EIF4B: variants seen among roughly 807,000 people sequenced by gnomAD.
EIF4B encodes the protein eukaryotic translation initiation factor 4B.
A neutral mutation model predicts 79.3 loss-of-function variants in EIF4B; 8 were observed. The ratio of observed to expected loss-of-function variants is 0.10; its 90% CI spans 0.06 to 0.18. The LOEUF (loss-of-function observed/expected upper bound fraction) is 0.18, where lower values mean the gene tolerates loss of function less well. EIF4B is among the 10% of genes least tolerant of loss of function. The probability of loss-of-function intolerance (pLI) is 1.00; values close to 1 mark genes in which losing one functional copy is unlikely to be tolerated. For missense variants in EIF4B, 515 were observed against 792.4 expected, an observed-to-expected ratio of 0.65 and a Z score of 4.20; for synonymous variants, 238 against 274.7, an observed-to-expected ratio of 0.87 and a Z score of 1.32.
intron 8 of EIF4B, among the ~76,000 whole-genome samples, chr12:53,030,751 C>T (rs1036911996): frequency 1.3e-5 from 2 of 152,030 alleles, no homozygotes; most frequent in African/African-American, 4.8e-5. Flanking sequence ...AAGCAAGAAG[C>T]CTAAAAATAA....
At chr12:53,019,435 A>ATTTTTTTTTTTT (rs759250282) in intron 3 of EIF4B, among the ~76,000 whole-genome samples, 3 of 39,466 alleles carry the variant, frequency 7.6e-5, no homozygotes, top group Admixed American at 6.7e-4. Flanking sequence ...ATATATATAT[A>ATTTTTTTTTTTT]TATTTTTTTT....
Position 53,037,579 on chromosome 12 carries a change from GCTCGATCT to G in EIF4B, c.1479_1486del (p.Arg494GlufsTer23). 1.9e-6 allele frequency: 3 copies of G among 1,613,976 alleles called. No individual in the cohort carries two copies. The highest frequency in any genetic ancestry group is 2.5e-6 in the Non-Finnish European group (3 of 1,179,870). Reference sequence around the variant, plus strand: ...GGTGAAGCGAAGTTCTAACCCTCCTGCTCGATCTCAGAGCTCAGACACAGAGCAGCAGT... The same window carrying G: ...GGTGAAGCGAAGTTCTAACCCTCCTGCAGAGCTCAGACACAGAGCAGCAGT... On this transcript the variant is annotated frameshift_variant, in exon 11 of 15. Transcript: ENST00000262056. LOFTEE classifies it high-confidence loss of function.
Position 53,021,895 on chromosome 12 carries a change from G to A in EIF4B, c.532+35G>A, listed in dbSNP as rs1164855522. The A allele has an allele frequency of 1.9e-6, 3 of 1,613,478 alleles. No individual in the cohort carries two copies. The Admixed American group carries it at 5.0e-5, about 27-fold the overall frequency. ...CTGGTAGAGATTTCTGTTTGGTAAT[G>A]GTCCCAGGATGACACCAAGCCATCC... On this transcript the variant is annotated intron_variant, in intron 5 of 14. Transcript: ENST00000262056.
intron 4 of EIF4B, among the ~76,000 whole-genome samples, chr12:53,020,617 CA>C (rs1943233071): frequency 6.6e-6 from 1 of 152,126 alleles, no homozygotes; most frequent in Non-Finnish European, 1.5e-5. Flanking sequence ...CCTTTAACTC[CA>C]AAAACACCTT....
chr12:53,011,500 G>A (rs1312318684), intron 1 of EIF4B, among the ~76,000 whole-genome samples: 1 of 152,136 alleles, frequency 6.6e-6, no homozygotes, highest in African/African-American at 2.4e-5. Flanking sequence ...GTCCAGAGAC[G>A]CTTTTGGTTG....
rs981921658 is a variant in EIF4B at position 53,030,408 on chromosome 12, A to G, written c.979+2220A>G. Among the ~76,000 whole-genome samples, 3 of 43,728 alleles carry G rather than the reference A, an allele frequency of 6.9e-5. No individual in the cohort carries two copies. In the Admixed American group the frequency reaches 1.1e-3, roughly 16 times the overall value. The allele number at this position is 43,728 out of a possible 152,430, so 28.7% of individuals were successfully genotyped here. A position where few individuals can be genotyped will look rare whatever the true frequency, so the allele number is the denominator to read the frequency against. ...AATAGGAAATAGGTTTTAAAAAATTATATTCTTTTTTTTTTTTTTTTTTTT... is the reference window on the plus strand; with the variant it reads ...AATAGGAAATAGGTTTTAAAAAATTGTATTCTTTTTTTTTTTTTTTTTTTT... On this transcript the variant is annotated intron_variant, in intron 8 of 14. Transcript: ENST00000262056.
chr12:53,013,405 A>G (rs574777733), intron 1 of EIF4B, among the ~76,000 whole-genome samples: 6 of 152,352 alleles, frequency 3.9e-5, no homozygotes, highest in African/African-American at 1.4e-4. Flanking sequence ...GAATTAAATG[A>G]TATGAAAAAG....
At chr12:53,017,821 G>A (rs574399821) in intron 2 of EIF4B, among the ~76,000 whole-genome samples, 71 of 152,212 alleles carry the variant, frequency 4.7e-4, no homozygotes, top group Non-Finnish European at 8.2e-4. Flanking sequence ...TTGAACTCCT[G>A]ACCTCATGAC....
chr12:53,040,576 C>T lies in EIF4B; in HGVS notation c.*353C>T, dbSNP rs1943616929. 5.9e-6 allele frequency: 1 copy of T among 168,718 alleles called. No homozygotes were observed. The highest frequency in any genetic ancestry group is 1.3e-5 in the Non-Finnish European group (1 of 78,818). 10.5% of individuals were successfully genotyped at this position (168,718 alleles called of 1,614,324 possible). ...ATATAATGCCTGGAACCTGGTTGGG[C>T]AGTAGGGGAGGGAGGTAGAAGGAAA... On this transcript the variant is annotated 3_prime_UTR_variant, in exon 15 of 15. Coordinates refer to ENST00000262056, the MANE Select transcript of EIF4B (RefSeq NM_001417.7).
At chr12:53,028,985 C>T (rs1224183460) in intron 8 of EIF4B, among the ~76,000 whole-genome samples, 2 of 151,880 alleles carry the variant, frequency 1.3e-5, no homozygotes, top group Non-Finnish European at 2.9e-5. Context: ...AATTAGGTGG[C>T]CGTAGTGGCA....
At position 53,039,348 on chromosome 12, in the gene EIF4B, G is replaced by C. The variant is rs1943591480; in HGVS notation, c.1682+5G>C. ...CCACTGGAAGGAGTCAGATAGGTAT[G>C]CTTGTTCTCTTTCTCATCTTTCCTC... On this transcript the variant is annotated splice_donor_5th_base_variant and intron_variant, in intron 13 of 14. Transcript: ENST00000262056. 1 of 1,574,706 alleles carries C rather than the reference G, an allele frequency of 6.4e-7. No individual in the cohort carries two copies. Among genetic ancestry groups the C allele is most frequent in the Admixed American group, 1.8e-5 (1 of 55,622 alleles).
intron 1 of EIF4B, chr12:53,014,912 A>C (rs1943124433): frequency 6.6e-6 from 1 of 152,196 alleles, no homozygotes; most frequent in South Asian, 2.1e-4. Flanking sequence ...CTTCTGAATC[A>C]GCTCTTGATT....
At chr12:53,019,783 A>T in intron 3 of EIF4B, 127 bp from the exon 4 acceptor site, 1 of 786,450 alleles carries the variant, frequency 1.3e-6, no homozygotes, top group South Asian at 1.7e-5. Flanking sequence ...TTTCCTCCTG[A>T]GACAACCATG....
chr12:53,032,287 C>T (rs1943459877), intron 8 of EIF4B, among the ~76,000 whole-genome samples: 1 of 152,228 alleles, frequency 6.6e-6, no homozygotes, highest in South Asian at 2.1e-4. Flanking sequence ...ACTAAAAATA[C>T]AAAAATTAGT....
chr12:53,039,883 G>GT, intron 14 of EIF4B, 181 bp downstream of exon 14: 1 of 794,924 alleles, frequency 1.3e-6, no homozygotes, highest in Non-Finnish European at 2.0e-6. Context: ...AGCGAAAGAA[G>GT]TTTAGCTTTT....
At chr12:53,019,873 T>C (rs1161529347) in intron 3 of EIF4B, 37 bp from the exon 4 acceptor site, 2 of 1,591,084 alleles carry the variant, frequency 1.3e-6, no homozygotes, top group Non-Finnish European at 1.7e-6. Context: ...TGAAGAAGAA[T>C]GCTGGGAAAC....
intron 6 of EIF4B, among the ~76,000 whole-genome samples, chr12:53,023,159 G>A (rs949228933): frequency 5.3e-5 from 8 of 152,162 alleles, no homozygotes; most frequent in Non-Finnish European, 8.8e-5. Flanking sequence ...TACAAAGTGA[G>A]CTATTTGAAA....
intron 11 of EIF4B, chr12:53,037,946 C>G: frequency 3.0e-6 from 1 of 336,844 alleles, no homozygotes; most frequent in Non-Finnish European, 5.5e-6. Context: ...CTTAAGTCTT[C>G]TCATTTGTAA....
intron 2 of EIF4B, among the ~76,000 whole-genome samples, chr12:53,017,677 TCTG>T (rs1255693993): frequency 6.6e-6 from 1 of 152,198 alleles, no homozygotes; most frequent in Non-Finnish European, 1.5e-5. Flanking sequence ...CACTGCAACA[TCTG>T]CTCCCGGGGT....
Sources: allele counts gnomAD v4.1 joint callset (sites outside exome capture counted in the v4.1 genomes callset), GRCh38; gene constraint gnomAD v4.1.1; transcripts MANE v1.5; gene names NCBI Gene and HGNC (gene_info 2026-07-23, HGNC 2026-07-21).